The following TOM1L2 variants were observed in gnomAD, a reference collection of about 807,000 sequenced individuals.
TOM1L2 encodes the protein TOM1-like protein 2.
A neutral mutation model predicts 67.9 loss-of-function variants in TOM1L2; 31 were observed. The ratio of observed to expected loss-of-function variants is 0.46; its 90% CI spans 0.34 to 0.62. The LOEUF is 0.62. TOM1L2 is among the 20% of genes least tolerant of loss of function. TOM1L2 has a pLI of 0.01. For missense variants in TOM1L2, 606 were observed against 663.5 expected (o/e 0.91, Z 0.95); for synonymous variants, 256 against 254.0 (o/e 1.01, Z -0.07).
chr17:17,864,274 G>C (rs181852871), intron 10 of TOM1L2, among the ~76,000 whole-genome samples: 1 of 150,742 alleles, frequency 6.6e-6, no homozygotes, highest in South Asian at 2.1e-4. Flanking sequence ...GTAGTAGAGC[G>C]ATGTCGGCTC....
Position 17,845,286 on chromosome 17 carries a change from CCA to C in TOM1L2, c.*2347_*2348del, listed in dbSNP as rs926296398. The C allele has an allele frequency of 2.1e-4, 32 of 152,264 alleles. No homozygotes were observed. Among genetic ancestry groups the C allele is most frequent in the Admixed American group, 2.1e-3 (32 of 15,292 alleles). 9.4% of individuals were successfully genotyped at this position (152,264 alleles called of 1,614,324 possible). A position where few individuals can be genotyped will look rare whatever the true frequency, so the allele number is the denominator to read the frequency against. On this transcript the variant is annotated 3_prime_UTR_variant, in exon 15 of 15. Transcript: ENST00000379504. ...TGGCCTCCTGCCAGCCCATACAGGT[CCA>C]CCACTCCCTGCTGCCCCTGGGGCAG...
rs1393891170 is a variant in TOM1L2 at position 17,869,358 on chromosome 17, AC to A, written c.892del (p.Val298SerfsTer25). On this transcript the variant is annotated frameshift_variant, in exon 8 of 15. Transcript: ENST00000379504. LOFTEE classifies it high-confidence loss of function. ...LLHVNDDLNNVFLRYERFERY... is the reference protein window; with the variant it reads ...LLHVNDDLNNXFLRYERFERY... ...CTCCCACCTCTCGTATCGAAGGAAG[AC>A]GTTGTTGAGGTCATCGTTCACATGC... 6.2e-7 allele frequency: 1 copy of A among 1,612,032 alleles called. No homozygotes were observed. The highest frequency in any genetic ancestry group is 1.1e-5 in the South Asian group (1 of 90,998).
chr17:17,894,975 A>ACATACATACATACATGCATGCATG (rs1555598776), intron 3 of TOM1L2, among the ~76,000 whole-genome samples: 2 of 147,692 alleles, frequency 1.4e-5, no homozygotes, highest in Non-Finnish European at 3.0e-5. Flanking sequence ...ATACATACAT[A>ACATACATACATACATGCATGCATG]CATGCATGCA....
chr17:17,950,684 G>T (rs1487198085), intron 1 of TOM1L2, among the ~76,000 whole-genome samples: 1 of 152,070 alleles, frequency 6.6e-6, no homozygotes, highest in Non-Finnish European at 1.5e-5. Context: ...TAATTTTTAT[G>T]TTACTTTAGA....
intron 1 of TOM1L2, among the ~76,000 whole-genome samples, chr17:17,911,545 C>T (rs1245957087): frequency 6.6e-6 from 1 of 152,078 alleles, no homozygotes; most frequent in African/African-American, 2.4e-5. Flanking sequence ...ACTTTGCTTT[C>T]CTCTGGCCTG....
intron 12 of TOM1L2, among the ~76,000 whole-genome samples, chr17:17,860,583 C>G (rs146927292): frequency 6.6e-6 from 1 of 152,350 alleles, no homozygotes; most frequent in African/African-American, 2.4e-5. Flanking sequence ...CAGCCCTTTG[C>G]AAACCTTCCT....
chr17:17,947,742 A>G (rs2041013106), intron 1 of TOM1L2, among the ~76,000 whole-genome samples: 1 of 152,234 alleles, frequency 6.6e-6, no homozygotes, highest in South Asian at 2.1e-4. Context: ...CAGATGAGGA[A>G]GCTCAGGCTC....
At chr17:17,898,170 C>T (rs1036856173) in intron 3 of TOM1L2, among the ~76,000 whole-genome samples, 4 of 152,058 alleles carry the variant, frequency 2.6e-5, no homozygotes, top group Admixed American at 2.0e-4. Context: ...GAGATCCTCC[C>T]GCTTCAGCCT....
intron 7 of TOM1L2, among the ~76,000 whole-genome samples, chr17:17,875,884 A>C (rs1020521715): frequency 3.9e-5 from 6 of 152,250 alleles, no homozygotes; most frequent in African/African-American, 1.4e-4. Context: ...ATGAAGCTAA[A>C]CATGTAGAAT....
At chr17:17,898,388 T>C (rs1216151989) in intron 3 of TOM1L2, among the ~76,000 whole-genome samples, 1 of 152,170 alleles carries the variant, frequency 6.6e-6, no homozygotes, top group Non-Finnish European at 1.5e-5. Context: ...CGTATACATT[T>C]ACCAAATTGA....
intron 10 of TOM1L2, among the ~76,000 whole-genome samples, chr17:17,864,510 T>C: frequency 6.7e-6 from 1 of 148,156 alleles, no homozygotes; most frequent in Non-Finnish European, 1.5e-5. Context: ...GCACCCGGCT[T>C]TTTTTTTTTT....
At chr17:17,868,895 TTTTTC>T (rs1315704827) in intron 8 of TOM1L2, 1 of 167,206 alleles carries the variant, frequency 6.0e-6, no homozygotes, top group Non-Finnish European at 1.3e-5. Flanking sequence ...GGAAAAGCTT[TTTTTC>T]TTTTTTCTTT....
intron 2 of TOM1L2, among the ~76,000 whole-genome samples, chr17:17,904,200 C>T (rs969215614): frequency 2.0e-5 from 3 of 152,094 alleles, no homozygotes; most frequent in Admixed American, 2.0e-4. Context: ...CACTGAGGTG[C>T]TCTCACTCAA....
intron 14 of TOM1L2, among the ~76,000 whole-genome samples, chr17:17,848,079 G>C (rs1359732095): frequency 6.6e-6 from 1 of 152,002 alleles, no homozygotes; most frequent in African/African-American, 2.4e-5. Flanking sequence ...CAGCACTGGG[G>C]GTGGGGCAGG....
At chr17:17,921,758 G>C (rs970718582) in intron 1 of TOM1L2, among the ~76,000 whole-genome samples, 6 of 148,236 alleles carry the variant, frequency 4.0e-5, no homozygotes, top group Admixed American at 4.0e-4. Flanking sequence ...GGGCGGGGTG[G>C]GGGGGTGGGA....
chr17:17,966,842 C>T (rs2041889405), intron 1 of TOM1L2, among the ~76,000 whole-genome samples: 1 of 152,196 alleles, frequency 6.6e-6, no homozygotes, highest in South Asian at 2.1e-4. Context: ...TAAGTTCCTT[C>T]CAGTTATCTT....
intron 1 of TOM1L2, among the ~76,000 whole-genome samples, chr17:17,909,227 G>T (rs1417125088): frequency 6.6e-6 from 1 of 152,028 alleles, no homozygotes; most frequent in African/African-American, 2.4e-5. Context: ...ATTACCCTAT[G>T]ATCTAGCAAT....
intron 2 of TOM1L2, among the ~76,000 whole-genome samples, chr17:17,904,425 G>C (rs1402317034): frequency 6.6e-6 from 1 of 152,176 alleles, no homozygotes; most frequent in Non-Finnish European, 1.5e-5. Context: ...CAAATCTGTA[G>C]AGAATTTCAA....
At chr17:17,863,002 G>A (rs925708303) in intron 10 of TOM1L2, among the ~76,000 whole-genome samples, 154 bp from the exon 11 acceptor site, 6 of 152,192 alleles carry the variant, frequency 3.9e-5, no homozygotes, top group African/African-American at 1.4e-4. Context: ...TGCACCACAT[G>A]CCGGAGGAGC....
Sources: gnomAD v4.1 joint callset for allele counts (sites outside exome capture counted in the v4.1 genomes callset) on GRCh38, gnomAD v4.1.1 for gene constraint, MANE v1.5 for transcripts, NCBI Gene and HGNC (gene_info 2026-07-23, HGNC 2026-07-21) for gene names.